The following FSTL4 variants were observed in gnomAD, a reference collection of about 807,000 sequenced individuals.
The protein encoded by FSTL4 is follistatin-related protein 4.
Under a neutral mutation model 78.2 loss-of-function variants are expected in FSTL4, and 28 were observed. The ratio of observed to expected loss-of-function variants is 0.36; its 90% CI spans 0.27 to 0.49. FSTL4 has a LOEUF of 0.49. Ranked by LOEUF, FSTL4 falls within the 20% of genes least tolerant of loss-of-function variation. FSTL4 has a pLI of 0.98. For missense variants in FSTL4, 922 were observed against 1,084.9 expected (o/e 0.85, Z 2.11); for synonymous variants, 422 against 440.5 (o/e 0.96, Z 0.53).
chr5:133,749,501 C>G, the FSTL4 span, among the ~76,000 whole-genome samples: 1 of 152,224 alleles, frequency 6.6e-6, no homozygotes, highest in Non-Finnish European at 1.5e-5. Context: ...CCCCTTTGGG[C>G]AGTGCACAAC....
At chr5:133,693,537 T>C in the FSTL4 span, among the ~76,000 whole-genome samples, 1 of 152,186 alleles carries the variant, frequency 6.6e-6, no homozygotes, top group East Asian at 1.9e-4. Context: ...CCATATTTTA[T>C]TGATAAACTG....
chr5:133,481,047 C>A (rs1325060174), intron 3 of FSTL4, among the ~76,000 whole-genome samples: 1 of 152,120 alleles, frequency 6.6e-6, no homozygotes, highest in Non-Finnish European at 1.5e-5. Flanking sequence ...TGGAAGGGAC[C>A]GTGGCTGTTG....
intron 3 of FSTL4, among the ~76,000 whole-genome samples, chr5:133,466,639 T>C (rs767345102): frequency 6.6e-6 from 1 of 152,174 alleles, no homozygotes; most frequent in Non-Finnish European, 1.5e-5. Context: ...TCAACATTTA[T>C]TGAATTCCCT....
chr5:133,691,361 C>T, the FSTL4 span, among the ~76,000 whole-genome samples: 1 of 152,100 alleles, frequency 6.6e-6, no homozygotes, highest in Admixed American at 6.5e-5. Context: ...GGTCTGTATT[C>T]TTGGCAACAC....
chr5:133,815,536 G>C, the FSTL4 span, among the ~76,000 whole-genome samples: 1 of 152,182 alleles, frequency 6.6e-6, no homozygotes, highest in African/African-American at 2.4e-5. Context: ...TGTAAGATGT[G>C]GCACAGTGGT....
At position 133,508,315 on chromosome 5, in the gene FSTL4, T is replaced by C. The variant is rs931374705; in HGVS notation, c.160+58871A>G. On this transcript the variant is annotated intron_variant, in intron 3 of 15. Transcript: ENST00000265342. ...ATCTTAAATTGCAAGGATTCTAAAA[T>C]AGCCCTTTCCTTTGAGGTCAGGTCT... 2.8e-4 allele frequency among the ~76,000 whole-genome samples: 43 copies of C among 152,226 alleles called. 1 individual carries two copies. The highest frequency in any genetic ancestry group is 8.8e-5 in the Non-Finnish European group (6 of 68,036).
intron 6 of FSTL4, among the ~76,000 whole-genome samples, chr5:133,298,255 A>C (rs767062181): frequency 4.6e-5 from 7 of 152,228 alleles, no homozygotes; most frequent in Non-Finnish European, 7.3e-5. Flanking sequence ...GATTACCTGA[A>C]ATTAATTATG....
At chr5:133,437,861 T>C (rs1420546678) in intron 3 of FSTL4, among the ~76,000 whole-genome samples, 4 of 152,076 alleles carry the variant, frequency 2.6e-5, no homozygotes, top group African/African-American at 9.7e-5. Flanking sequence ...CTCTTCACTT[T>C]CTTTTAAACA....
At chr5:133,501,096 G>T (rs1361702436) in intron 3 of FSTL4, among the ~76,000 whole-genome samples, 1 of 152,130 alleles carries the variant, frequency 6.6e-6, no homozygotes, top group Non-Finnish European at 1.5e-5. Context: ...TGCTTCTGGG[G>T]AAGATGAAAA....
intron 4 of FSTL4, among the ~76,000 whole-genome samples, chr5:133,399,703 T>C (rs1193780374): frequency 1.3e-5 from 2 of 152,198 alleles, no homozygotes; most frequent in Non-Finnish European, 2.9e-5. Flanking sequence ...CTTTGTCTTC[T>C]AGTGTTGCAG....
chr5:133,716,810 T>G, the FSTL4 span, among the ~76,000 whole-genome samples: 1 of 152,214 alleles, frequency 6.6e-6, no homozygotes, highest in Admixed American at 6.5e-5. Context: ...TTCCCAAATA[T>G]TAGCTTTTAT....
chr5:133,407,809 A>G (rs1580689237), intron 3 of FSTL4, among the ~76,000 whole-genome samples: 1 of 152,254 alleles, frequency 6.6e-6, no homozygotes, highest in Non-Finnish European at 1.5e-5. Context: ...CAAGTGCCAA[A>G]GCATACTTTT....
At chr5:133,581,321 C>T (rs947126217) in intron 2 of FSTL4, among the ~76,000 whole-genome samples, 2 of 152,142 alleles carry the variant, frequency 1.3e-5, no homozygotes, top group African/African-American at 2.4e-5. Flanking sequence ...CAGTTTTATT[C>T]CCTGTCCTCT....
At chr5:133,746,593 G>C in the FSTL4 span, among the ~76,000 whole-genome samples, 120 of 152,014 alleles carry the variant, frequency 7.9e-4, 4 homozygotes, top group Admixed American at 7.7e-3. Flanking sequence ...ATAATTTCTG[G>C]CTCAGAAAGC....
chr5:133,675,379 A>G, the FSTL4 span, among the ~76,000 whole-genome samples: 6 of 152,230 alleles, frequency 3.9e-5, no homozygotes, highest in East Asian at 1.2e-3. Flanking sequence ...GCAGAAGCCA[A>G]AGATTTTTAA....
chr5:133,738,087 C>G, the FSTL4 span, among the ~76,000 whole-genome samples: 1 of 152,144 alleles, frequency 6.6e-6, no homozygotes, highest in Non-Finnish European at 1.5e-5. Context: ...TAGAAACATT[C>G]CATCAGCATC....
the FSTL4 span, among the ~76,000 whole-genome samples, chr5:133,782,843 T>C: frequency 6.6e-6 from 1 of 152,166 alleles, no homozygotes; most frequent in African/African-American, 2.4e-5. Context: ...TCCCAGGCCA[T>C]CATGAGGACA....
chr5:133,199,061 G>C lies in FSTL4; in HGVS notation c.*34C>G, dbSNP rs1750228393. ...GAGGCTGCAGTGTCAGGACTAGGGG[G>C]TGTTCCTTGGCCCAGGGCTCTGCTC... On this transcript the variant is annotated 3_prime_UTR_variant, in exon 16 of 16. Coordinates refer to ENST00000265342, the MANE Select transcript of FSTL4 (RefSeq NM_015082.2). This position sits in a 1 kb window ranked among gnomAD's most constrained non-coding sequence, Gnocchi z 4.4. 1 of 1,322,832 alleles carries C rather than the reference G, an allele frequency of 7.6e-7. No homozygotes were observed. The highest frequency in any genetic ancestry group is 2.3e-5 in the Admixed American group (1 of 43,536). The allele number at this position is 1,322,832 out of a possible 1,614,324, so 81.9% of individuals were successfully genotyped here. A position where few individuals can be genotyped will look rare whatever the true frequency, so the allele number is the denominator to read the frequency against.
the FSTL4 span, among the ~76,000 whole-genome samples, chr5:133,718,942 A>G: frequency 6.6e-6 from 1 of 152,266 alleles, no homozygotes; most frequent in African/African-American, 2.4e-5. Context: ...TACAAGCTAT[A>G]TTAGTTCAAA....
Sources: allele counts gnomAD v4.1 joint callset (sites outside exome capture counted in the v4.1 genomes callset), GRCh38; gene constraint gnomAD v4.1.1; non-coding constraint Gnocchi (gnomAD v3.1); transcripts MANE v1.5; gene names NCBI Gene and HGNC (gene_info 2026-07-23, HGNC 2026-07-21).